TSNARE1: variants seen among roughly 807,000 people sequenced by gnomAD.
TSNARE1 encodes the protein t-SNARE domain containing 1.
Under a neutral mutation model 62.0 loss-of-function variants are expected in TSNARE1, and 49 were observed. The observed-to-expected ratio is 0.79, with a 90% CI of 0.63 to 1.00. The LOEUF is 1.00. Ranked by LOEUF, TSNARE1 falls within the 50% of genes least tolerant of loss-of-function variation. The probability of loss-of-function intolerance (pLI) is 0.00; values close to 1 mark genes in which losing one functional copy is unlikely to be tolerated. For synonymous variants in TSNARE1, 328 were observed against 294.4 expected (o/e 1.11, Z -1.17); for missense variants, 755 against 700.1 (o/e 1.08, Z -0.88).
intron 13 of TSNARE1, among the ~76,000 whole-genome samples, chr8:142,212,813 C>CCCTCCCTCT (rs1815626700): frequency 1.8e-5 from 1 of 54,466 alleles, no homozygotes; most frequent in Non-Finnish European, 3.8e-5. Context: ...TCCTTCCCCC[C>CCCTCCCTCT]CCTGTCCCTC....
chr8:142,248,522 C>T (rs551692552), intron 12 of TSNARE1, among the ~76,000 whole-genome samples: 2 of 152,318 alleles, frequency 1.3e-5, no homozygotes, highest in South Asian at 2.1e-4. Flanking sequence ...GAGAACGCGG[C>T]CCCCAGACGG....
At chr8:142,235,385 C>T (rs1817354777) in intron 12 of TSNARE1, among the ~76,000 whole-genome samples, 1 of 151,604 alleles carries the variant, frequency 6.6e-6, no homozygotes, top group African/African-American at 2.4e-5. Flanking sequence ...GCTCCTCCCT[C>T]TGCCCCTCCA....
intron 12 of TSNARE1, among the ~76,000 whole-genome samples, chr8:142,262,633 G>T (rs1818953590): frequency 6.6e-6 from 1 of 152,088 alleles, no homozygotes; most frequent in Admixed American, 6.6e-5. Flanking sequence ...CATGGCGATA[G>T]TGAGTTCTCA....
chr8:142,317,265 G>A (rs1828702360), intron 7 of TSNARE1, among the ~76,000 whole-genome samples: 1 of 149,676 alleles, frequency 6.7e-6, no homozygotes, highest in African/African-American at 2.5e-5. Context: ...AAGCGGGTAT[G>A]GCCAGCGGCT....
chr8:142,269,676 G>A, intron 12 of TSNARE1: 1 of 985,332 alleles, frequency 1.0e-6, no homozygotes, highest in South Asian at 4.7e-5. Context: ...AAGATCTACA[G>A]AGGCTTCCTG....
At chr8:142,360,277 G>T (rs933905346) in intron 1 of TSNARE1, among the ~76,000 whole-genome samples, 1 of 152,166 alleles carries the variant, frequency 6.6e-6, no homozygotes, top group Non-Finnish European at 1.5e-5. Flanking sequence ...GCAGAGGACA[G>T]GGACGAGGCA....
chr8:142,248,564 G>T (rs1818004144), intron 12 of TSNARE1, among the ~76,000 whole-genome samples: 1 of 152,196 alleles, frequency 6.6e-6, no homozygotes, highest in African/African-American at 2.4e-5. Flanking sequence ...TGCCCTGTGG[G>T]GCCGGCTCTG....
intron 1 of TSNARE1, among the ~76,000 whole-genome samples, chr8:142,376,650 A>G (rs537481394): frequency 2.2e-4 from 34 of 152,202 alleles, no homozygotes; most frequent in Non-Finnish European, 4.0e-4. Flanking sequence ...TTTGTTCACC[A>G]GCCTGAATGG....
intron 1 of TSNARE1, among the ~76,000 whole-genome samples, chr8:142,398,720 C>T (rs1337130046): frequency 1.3e-5 from 2 of 152,238 alleles, no homozygotes; most frequent in African/African-American, 4.8e-5. Context: ...GAACATTACA[C>T]ATCTCAGACA....
intron 4 of TSNARE1, among the ~76,000 whole-genome samples, chr8:142,335,244 A>C (rs889593839): frequency 5.3e-5 from 8 of 152,158 alleles, no homozygotes; most frequent in African/African-American, 1.9e-4. Context: ...GTGATCCTGA[A>C]TGTACTGAAA....
chr8:142,301,939 C>T (rs1053481334), intron 9 of TSNARE1, among the ~76,000 whole-genome samples: 5 of 152,188 alleles, frequency 3.3e-5, no homozygotes, highest in African/African-American at 7.2e-5. Context: ...CATCAAGGTT[C>T]GGTGAGTGCA....
intron 12 of TSNARE1, among the ~76,000 whole-genome samples, chr8:142,238,271 C>T (rs953638509): frequency 5.9e-5 from 9 of 152,242 alleles, no homozygotes; most frequent in African/African-American, 1.9e-4. Flanking sequence ...AGGCAGCAAC[C>T]CAGGGCTCCT....
At chr8:142,273,003 C>T in intron 12 of TSNARE1, 2 of 985,474 alleles carry the variant, frequency 2.0e-6, no homozygotes, top group Non-Finnish European at 2.4e-6. Context: ...AGGAGTGGGA[C>T]AGTCTATGCA....
intron 12 of TSNARE1, among the ~76,000 whole-genome samples, chr8:142,240,994 C>T (rs1157267726): frequency 6.6e-6 from 1 of 152,202 alleles, no homozygotes; most frequent in Non-Finnish European, 1.5e-5. Flanking sequence ...TTCTACTCAA[C>T]ACAGCACTGA....
At chr8:142,332,642 C>T (rs1158228360) in intron 4 of TSNARE1, among the ~76,000 whole-genome samples, 1 of 152,176 alleles carries the variant, frequency 6.6e-6, no homozygotes, top group Non-Finnish European at 1.5e-5. Context: ...GGAACGCTCG[C>T]CCGCTGCATG....
intron 12 of TSNARE1, among the ~76,000 whole-genome samples, chr8:142,237,832 C>T (rs554353131): frequency 2.0e-5 from 3 of 152,290 alleles, no homozygotes; most frequent in African/African-American, 4.8e-5. Flanking sequence ...AGTGGCTGCT[C>T]GTGAGTCCTG....
At chr8:142,223,170 TCAA>T in intron 13 of TSNARE1, among the ~76,000 whole-genome samples, 1 of 33,790 alleles carries the variant, frequency 3.0e-5, no homozygotes, top group Admixed American at 2.5e-4. Context: ...ACTCACTCAC[TCAA>T]GTATTCACTC....
At chr8:142,345,351 C>T (rs1488554894) in intron 3 of TSNARE1, among the ~76,000 whole-genome samples, 1 of 152,186 alleles carries the variant, frequency 6.6e-6, no homozygotes, top group African/African-American at 2.4e-5. Context: ...AGGATACCTG[C>T]AGAGGTCACC....
In TSNARE1 at chr8:142,273,678, C is replaced by T. The variant is rs899759757; in HGVS notation, c.1446+1103G>A. 1.1e-5 allele frequency: 11 copies of T among 985,298 alleles called. No individual in the cohort carries two copies. In the African/African-American group the frequency reaches 1.6e-4, roughly 14 times the overall value. The allele number at this position is 985,298 out of a possible 1,614,324, so 61.0% of individuals were successfully genotyped here. On this transcript the variant is annotated intron_variant, in intron 12 of 13. Transcript: ENST00000524325. ...GGGAGGCCCAAACTGGGATCAGCCT[C>T]CCCGTTACCACACACTCCCACAGTG...
Sources: allele counts gnomAD v4.1 joint callset (sites outside exome capture counted in the v4.1 genomes callset), GRCh38; gene constraint gnomAD v4.1.1; transcripts MANE v1.5; gene names NCBI Gene and HGNC (gene_info 2026-07-23, HGNC 2026-07-21).